The following EPB41L2 variants were observed in gnomAD, a reference collection of about 807,000 sequenced individuals.
EPB41L2 encodes the protein erythrocyte membrane protein band 4.1 like 2.
A neutral mutation model predicts 113.0 loss-of-function variants in EPB41L2; 43 were observed. The ratio of observed to expected loss-of-function variants is 0.38; its 90% CI spans 0.30 to 0.49. The LOEUF (loss-of-function observed/expected upper bound fraction) is 0.49. Among genes scored for constraint, EPB41L2 ranks in the 20% least tolerant of loss-of-function variants. EPB41L2 has a pLI of 0.95. For missense variants in EPB41L2, 1,147 were observed against 1,223.4 expected, an observed-to-expected ratio of 0.94 and a Z score of 0.93; for synonymous variants, 442 against 436.7, an observed-to-expected ratio of 1.01 and a Z score of -0.15.
intron 14 of EPB41L2, 41 bp from the exon 15 acceptor site, chr6:130,870,167 G>A: frequency 6.4e-7 from 1 of 1,564,908 alleles, no homozygotes; most frequent in East Asian, 2.3e-5. Context: ...AAAAATATAT[G>A]AATAAATAAA....
intron 14 of EPB41L2, among the ~76,000 whole-genome samples, chr6:130,875,340 C>T (rs546252053): frequency 6.6e-6 from 1 of 152,286 alleles, no homozygotes; most frequent in South Asian, 2.1e-4. Context: ...CACTACTCAC[C>T]TTCAAACTCT....
At chr6:130,968,713 T>C (rs1292726362) in intron 1 of EPB41L2, among the ~76,000 whole-genome samples, 1 of 150,766 alleles carries the variant, frequency 6.6e-6, no homozygotes, top group Non-Finnish European at 1.5e-5. Context: ...GACATGCCAT[T>C]TGGAGTGCTA....
At chr6:131,027,578 A>C (rs1356148049) in intron 1 of EPB41L2, among the ~76,000 whole-genome samples, 1 of 152,234 alleles carries the variant, frequency 6.6e-6, no homozygotes, top group Non-Finnish European at 1.5e-5. Context: ...CCAATGCTTA[A>C]TGCAGCCAAT....
intron 19 of EPB41L2, among the ~76,000 whole-genome samples, chr6:130,851,726 A>G (rs575290016): frequency 8.5e-5 from 13 of 152,308 alleles, no homozygotes; most frequent in Admixed American, 6.5e-4. Context: ...CTGTTCATCA[A>G]TTTCCAAAAA....
At chr6:130,858,048 G>C (rs1478198913) in intron 19 of EPB41L2, 83 bp downstream of exon 19, 1 of 1,084,248 alleles carries the variant, frequency 9.2e-7, no homozygotes, top group South Asian at 1.2e-5. Context: ...ACACTGATAT[G>C]AACTTTCATT....
intron 3 of EPB41L2, among the ~76,000 whole-genome samples, chr6:130,937,770 C>T (rs957130299): frequency 2.0e-5 from 3 of 150,364 alleles, no homozygotes; most frequent in African/African-American, 7.4e-5. Flanking sequence ...GAGCCAAGAT[C>T]GTGCCACTGC....
chr6:130,924,409 G>A (rs7747303), intron 4 of EPB41L2, among the ~76,000 whole-genome samples: 12 of 150,246 alleles, frequency 8.0e-5, no homozygotes, highest in South Asian at 4.2e-4. Context: ...ATGCAGTTTC[G>A]CTCTTGTTGC....
At chr6:130,968,813 C>T (rs1454665004) in intron 1 of EPB41L2, among the ~76,000 whole-genome samples, 2 of 151,000 alleles carry the variant, frequency 1.3e-5, no homozygotes, top group Non-Finnish European at 2.9e-5. Flanking sequence ...CTTCAAATAA[C>T]TATTTTTAGG....
chr6:130,901,288 A>C (rs1470572451), intron 6 of EPB41L2, 108 bp from the exon 7 acceptor site: 2 of 878,378 alleles, frequency 2.3e-6, no homozygotes, highest in African/African-American at 1.7e-5. Context: ...TATACAATAT[A>C]GGCACTCTTC....
intron 1 of EPB41L2, among the ~76,000 whole-genome samples, chr6:131,011,132 C>CT (rs1313508195): frequency 6.6e-6 from 1 of 152,236 alleles, no homozygotes; most frequent in Non-Finnish European, 1.5e-5. Flanking sequence ...GTGCCAGGAC[C>CT]TCATAGCCTA....
chr6:130,874,081 A>G lies in EPB41L2; in HGVS notation c.2044-3955T>C, dbSNP rs142974283. ...AAAAGTACCTTACAACTCAATGTACATAATCTCTTAGACTCAGGAGAGAAT... is the reference window on the plus strand; with the variant it reads ...AAAAGTACCTTACAACTCAATGTACGTAATCTCTTAGACTCAGGAGAGAAT... On this transcript the variant is annotated intron_variant, in intron 14 of 19. Coordinates refer to ENST00000337057, the MANE Select transcript of EPB41L2 (RefSeq NM_001431.4). 5.9e-5 allele frequency among the ~76,000 whole-genome samples: 9 copies of G among 152,290 alleles called. No homozygotes were observed. The East Asian group carries it at 1.7e-3, about 29-fold the overall frequency.
chr6:131,053,476 A>G (rs1797022017), intron 1 of EPB41L2, among the ~76,000 whole-genome samples: 1 of 151,220 alleles, frequency 6.6e-6, no homozygotes, highest in Non-Finnish European at 1.5e-5. Flanking sequence ...GTTTTAAAGG[A>G]AAGGCCAGGG....
chr6:130,862,173 C>G lies in EPB41L2; in HGVS notation c.2910+1465G>C, dbSNP rs988563020. 2.0e-5 allele frequency among the ~76,000 whole-genome samples: 3 copies of G among 152,050 alleles called. No homozygotes were observed. The East Asian group carries it at 5.8e-4, about 29-fold the overall frequency. On this transcript the variant is annotated intron_variant, in intron 18 of 19. Coordinates refer to ENST00000337057, the MANE Select transcript of EPB41L2 (RefSeq NM_001431.4). Reference sequence around the variant, plus strand: ...TTGGGGTAAAACAGGCCAAAATATTCTTTTGCCTTTTATAACAAAATTATT... The same window carrying G: ...TTGGGGTAAAACAGGCCAAAATATTGTTTTGCCTTTTATAACAAAATTATT...
At chr6:130,850,405 A>G (rs1778437913) in intron 19 of EPB41L2, among the ~76,000 whole-genome samples, 1 of 152,206 alleles carries the variant, frequency 6.6e-6, no homozygotes, top group South Asian at 2.1e-4. Context: ...ATGCCCATTA[A>G]TAGGGGTTAT....
chr6:130,906,959 T>A (rs966860242), intron 5 of EPB41L2, among the ~76,000 whole-genome samples: 5 of 152,100 alleles, frequency 3.3e-5, no homozygotes, highest in Non-Finnish European at 7.4e-5. Flanking sequence ...AGGGTAAAAG[T>A]TCTGAAATAA....
intron 1 of EPB41L2, 67 bp from the exon 2 acceptor site, chr6:130,956,566 G>C: frequency 7.1e-7 from 1 of 1,406,214 alleles, no homozygotes; most frequent in Non-Finnish European, 9.6e-7. Flanking sequence ...TTGGTTGCGA[G>C]GGGCATGGTA....
intron 1 of EPB41L2, among the ~76,000 whole-genome samples, chr6:131,044,038 T>C (rs1794956540): frequency 6.8e-6 from 1 of 146,114 alleles, no homozygotes; most frequent in African/African-American, 2.6e-5. Context: ...TTTTTTTTTT[T>C]TGAGACAGGG....
intron 6 of EPB41L2, among the ~76,000 whole-genome samples, chr6:130,903,622 G>A (rs1392968877): frequency 2.0e-5 from 3 of 151,888 alleles, no homozygotes; most frequent in African/African-American, 7.3e-5. Flanking sequence ...GCACACAGTT[G>A]TACTTGACCA....
At chr6:130,986,926 A>T (rs1780695265) in intron 1 of EPB41L2, among the ~76,000 whole-genome samples, 1 of 152,144 alleles carries the variant, frequency 6.6e-6, no homozygotes, top group Non-Finnish European at 1.5e-5. Context: ...GCAATCACTA[A>T]TCTACTTTCT....
Sources: allele counts gnomAD v4.1 joint callset (sites outside exome capture counted in the v4.1 genomes callset), GRCh38; gene constraint gnomAD v4.1.1; transcripts MANE v1.5; gene names NCBI Gene and HGNC (gene_info 2026-07-23, HGNC 2026-07-21).